Variants in NEB observed in about 807,000 individuals in gnomAD.
NEB encodes the protein nebulin, also known as nemaline myopathy type 2.
In NEB, 512 loss-of-function variants were observed where a neutral mutation model predicts 952.2. The observed-to-expected ratio is 0.54, with a 90% CI of 0.50 to 0.58. The LOEUF (loss-of-function observed/expected upper bound fraction) is 0.58. Ranked by LOEUF, NEB falls within the 20% of genes least tolerant of loss-of-function variation. The pLI is 0.00. For synonymous variants in NEB, 2,900 were observed against 3,149.8 expected (o/e 0.92, Z 2.66); for missense variants, 8,428 against 9,231.1 (o/e 0.91, Z 3.56).
At chr2:151,714,246 T>C (rs1168145931) in intron 10 of NEB, among the ~76,000 whole-genome samples, 1 of 152,166 alleles carries the variant, frequency 6.6e-6, no homozygotes, top group Non-Finnish European at 1.5e-5. Flanking sequence ...CAACTGAACC[T>C]ATATTGCAGG....
rs561355105 is a variant in NEB, at chr2:151,508,474, T to A, written c.23347-365A>T. 4.6e-5 allele frequency among the ~76,000 whole-genome samples: 7 copies of A among 152,280 alleles called. No homozygotes were observed. The East Asian group carries it at 9.7e-4, about 21-fold the overall frequency. On this transcript the variant is annotated intron_variant, in intron 161 of 181. Transcript: ENST00000397345. Reference sequence around the variant, plus strand: ...TAGTCCTCGCTGGGCTGGATGAAGCTATGTAGCCAGACTGTTCAACAGGCA... The same window carrying A: ...TAGTCCTCGCTGGGCTGGATGAAGCAATGTAGCCAGACTGTTCAACAGGCA...
At chr2:151,560,959 G>A (rs747068363) in intron 123 of NEB, 45 bp downstream of exon 123, 1 of 1,191,876 alleles carries the variant, frequency 8.4e-7, no homozygotes, top group Admixed American at 2.0e-5. Context: ...TCCCAGAAGG[G>A]GGAAAGGTGG....
intron 161 of NEB, among the ~76,000 whole-genome samples, chr2:151,512,092 G>A (rs925974625): frequency 1.5e-4 from 22 of 145,876 alleles, no homozygotes; most frequent in African/African-American, 4.4e-4. Flanking sequence ...GTGCAGTGGC[G>A]TGATCTCGGC....
intron 141 of NEB, among the ~76,000 whole-genome samples, chr2:151,536,834 C>G (rs980217618): frequency 2.0e-5 from 3 of 152,102 alleles, no homozygotes; most frequent in Non-Finnish European, 4.4e-5. Context: ...TATTGGCTGT[C>G]ATATCAGCTT....
At chr2:151,544,369 G>A (rs1055658195) in intron 135 of NEB, among the ~76,000 whole-genome samples, 5 of 152,076 alleles carry the variant, frequency 3.3e-5, no homozygotes, top group Non-Finnish European at 7.4e-5. Flanking sequence ...GATGTGGTGC[G>A]GTGGTTTTCA....
chr2:151,724,505 A>T, intron 7 of NEB, 141 bp from the exon 8 acceptor site: 1 of 671,502 alleles, frequency 1.5e-6, no homozygotes. Context: ...CCATGCCAAC[A>T]TCCTATAATA....
At chr2:151,527,355 C>T (rs572058727) in intron 147 of NEB, 126 bp downstream of exon 147, 2 of 818,364 alleles carry the variant, frequency 2.4e-6, no homozygotes, top group Admixed American at 5.5e-5. Flanking sequence ...AACCATCCTC[C>T]TCTCCTTCTC....
At position 151,619,759 on chromosome 2, in the gene NEB, T is replaced by G. The variant is rs1051265253; in HGVS notation, c.10564A>C (p.Lys3522Gln). Reference sequence around the variant, plus strand: ...TGTTTACGATATGCTTCTTTGTATTTGTACTGAAAGAGAGAATCCAGTAAA... The same window carrying G: ...TGTTTACGATATGCTTCTTTGTATTGGTACTGAAAGAGAGAATCCAGTAAA... ...KASRDIASDYKYKEAYRKQLG... is the reference protein window; with the variant it reads ...KASRDIASDYQYKEAYRKQLG... Residue 3522 changes from lysine (K) to glutamine (Q), a missense_variant, in exon 73 of 182, where the codon AAA becomes CAA. Coordinates refer to ENST00000397345, the MANE Select transcript of NEB (RefSeq NM_001164508.2). 6.2e-7 allele frequency: 1 copy of G among 1,605,820 alleles called. No homozygotes were observed. Among genetic ancestry groups the G allele is most frequent in the African/African-American group, 1.3e-5 (1 of 74,762 alleles).
rs2096588898 is a variant in NEB, at chr2:151,570,572, C to A, written c.17043G>T (p.Met5681Ile). The change falls in exon 108 of 182, where the codon ATG becomes ATT. Residue 5681 changes from methionine to isoleucine, a missense_variant. Coordinates refer to ENST00000397345, the MANE Select transcript of NEB (RefSeq NM_001164508.2). The part of the protein sequence containing the change: ...NKLYREGWDE[M>I]KAGCDVRLDA... ...CCAGCCGGACATCACAGCCCGCCTT[C>A]ATTTCATCCCAGCCCTCACGGTAAA... 6.2e-7 allele frequency: 1 copy of A among 1,603,454 alleles called. No individual in the cohort carries two copies. The highest frequency in any genetic ancestry group is 1.3e-5 in the African/African-American group (1 of 74,706).
At chr2:151,645,819 T>G (rs542473359) in intron 55 of NEB, among the ~76,000 whole-genome samples, 107 of 152,224 alleles carry the variant, frequency 7.0e-4, no homozygotes, top group Admixed American at 4.0e-3. Flanking sequence ...GCACTGTAGA[T>G]TCAATAAGAA....
chr2:151,647,895 T>G (rs2098980676), intron 54 of NEB, among the ~76,000 whole-genome samples: 2 of 152,210 alleles, frequency 1.3e-5, no homozygotes, highest in Admixed American at 1.3e-4. Context: ...TTCTGTAGAC[T>G]AGCAGACCAG....
rs1268416007 is a variant in NEB, at chr2:151,583,872, T to G, written c.15664-106A>C. 8 of 541,814 alleles carry G rather than the reference T, an allele frequency of 1.5e-5. 2 individuals carry two copies. In the South Asian group the frequency reaches 1.9e-4, roughly 13 times the overall value. 33.6% of individuals were successfully genotyped at this position (541,814 alleles called of 1,614,324 possible). On this transcript the variant is annotated intron_variant, in intron 100 of 181. Transcript: ENST00000397345. ...TATGTTTTCTTAGCCTTGGTATAAA[T>G]TGGCTCAACATTGGCAGTCATTACA...
intron 54 of NEB, among the ~76,000 whole-genome samples, chr2:151,647,735 T>C (rs975716092): frequency 3.3e-5 from 5 of 152,192 alleles, no homozygotes; most frequent in African/African-American, 1.2e-4. Flanking sequence ...GTCAAAAACT[T>C]GGAAGGCAAA....
intron 13 of NEB, among the ~76,000 whole-genome samples, chr2:151,705,274 A>C (rs933957145): frequency 6.6e-6 from 1 of 152,152 alleles, no homozygotes; most frequent in Non-Finnish European, 1.5e-5. Context: ...ATTAGTTTTA[A>C]ATATGCAGCT....
chr2:151,631,080 A>G lies in NEB; in HGVS notation c.9618+63T>C, dbSNP rs1333364950. 3 of 1,580,962 alleles carry G rather than the reference A, an allele frequency of 1.9e-6. No individual in the cohort carries two copies. In the African/African-American group the frequency reaches 4.0e-5, roughly 21 times the overall value. The stretch of plus-strand genomic sequence containing the variant: ...CTTCATAGATAATTTAGACTCCATT[A>G]GTCATTAAAGTATAATAACATCTTC... On this transcript the variant is annotated intron_variant, in intron 66 of 181. Transcript: ENST00000397345.
intron 145 of NEB, 47 bp downstream of exon 145, chr2:151,530,947 G>GA: frequency 7.8e-7 from 1 of 1,279,684 alleles, no homozygotes; most frequent in Non-Finnish European, 1.1e-6. Context: ...CATCTCATTA[G>GA]AAGGAGGCCA....
At position 151,554,970 on chromosome 2, in the gene NEB, G is replaced by A. The variant is rs375040433; in HGVS notation, c.19389C>T (p.Asn6463=). The change falls in exon 125 of 182, where the codon AAC becomes AAT. Residue 6463 remains asparagine (N), a synonymous_variant. Transcript: ENST00000397345. ...TLPRSVDDDP[N]TARCLRVGKL... ...TGCCAACTCGGAGGCACCGTGCTGT[G>A]TTCGGATCATCGTCAACACTTCTTG... The A allele has an allele frequency of 9.3e-6, 15 of 1,613,744 alleles. No individual in the cohort carries two copies. Among genetic ancestry groups the A allele is most frequent in the Non-Finnish European group, 1.0e-5 (12 of 1,179,786 alleles).
intron 63 of NEB, among the ~76,000 whole-genome samples, chr2:151,638,573 T>A (rs565299814): frequency 6.6e-6 from 1 of 152,336 alleles, no homozygotes; most frequent in South Asian, 2.1e-4. Context: ...TTCTCATAAA[T>A]TTTCCAGAAC....
intron 54 of NEB, among the ~76,000 whole-genome samples, chr2:151,647,995 T>C (rs1351791086): frequency 2.0e-5 from 3 of 152,174 alleles, no homozygotes; most frequent in Non-Finnish European, 4.4e-5. Flanking sequence ...TATTTAGGCA[T>C]CATGAAGCAA....
Sources: allele counts gnomAD v4.1 joint callset (sites outside exome capture counted in the v4.1 genomes callset), GRCh38; gene constraint gnomAD v4.1.1; transcripts MANE v1.5; gene names NCBI Gene and HGNC (gene_info 2026-07-23, HGNC 2026-07-21).